Variants in SERBP1 observed in about 807,000 individuals in gnomAD.
The protein encoded by SERBP1 is SERPINE1 mRNA binding protein 1, also known as SERPINE1 mRNA-binding protein 1.
In SERBP1, 6 loss-of-function variants were observed where a neutral mutation model predicts 50.2. The ratio of observed to expected loss-of-function variants is 0.12; its 90% CI spans 0.07 to 0.24. The LOEUF is 0.24. Ranked by LOEUF, SERBP1 falls within the 10% of genes least tolerant of loss-of-function variation. SERBP1 has a pLI of 1.00. For synonymous variants in SERBP1, 168 were observed against 182.8 expected (o/e 0.92, Z 0.65); for missense variants, 346 against 524.9 (o/e 0.66, Z 3.33).
rs890923347 is a variant in SERBP1 at position 67,430,171 on chromosome 1, C to A, written c.130G>T (p.Gly44Cys). The A allele has an allele frequency of 6.2e-7, 1 of 1,610,802 alleles. No homozygotes were observed. The highest frequency in any genetic ancestry group is 8.5e-7 in the Non-Finnish European group (1 of 1,179,540). Residue 44 changes from glycine to cysteine, a missense_variant, in exon 1 of 8, where the codon GGC becomes TGC. Physicochemically the swap from Gly to Cys is radical, Grantham distance 159. This residue lies in a region of SERBP1 where 257 missense variants were observed against 331.2 expected (regional missense o/e 0.78). Transcript: ENST00000361219. ...TTGGCCCCAGGGCCCCCAACGCCGC[C>A]CCCGCCGGCTTCTTTTTTCTTGTTC... ...AENKKKEAGGGGVGGPGAKSA... is the reference protein window; with the variant it reads ...AENKKKEAGGCGVGGPGAKSA...
chr1:67,429,359 A>G (rs1176130830), intron 1 of SERBP1: 2 of 152,246 alleles, frequency 1.3e-5, no homozygotes, highest in African/African-American at 4.8e-5. Context: ...GGCTCAACTC[A>G]CCCCAGCAAG....
chr1:67,423,995 C>CAA (rs1302222283), intron 5 of SERBP1, among the ~76,000 whole-genome samples: 2 of 151,796 alleles, frequency 1.3e-5, no homozygotes, highest in Non-Finnish European at 2.9e-5. Context: ...CCTGCCTAGG[C>CAA]AATATAGTGA....
chr1:67,423,144 A>G (rs1004231912), intron 5 of SERBP1, among the ~76,000 whole-genome samples: 5 of 149,016 alleles, frequency 3.4e-5, no homozygotes, highest in Non-Finnish European at 5.9e-5. Flanking sequence ...TAAAAAATAT[A>G]AAAAATTAGC....
At position 67,430,357 on chromosome 1, in the gene SERBP1, GA is replaced by G; in HGVS notation, c.-58del. 1 of 1,480,166 alleles carries G rather than the reference GA, an allele frequency of 6.8e-7. No individual in the cohort carries two copies. Among genetic ancestry groups the G allele is most frequent in the Non-Finnish European group, 9.0e-7 (1 of 1,110,374 alleles). The allele number at this position is 1,480,166 out of a possible 1,614,324, so 91.7% of individuals were successfully genotyped here. A position where few individuals can be genotyped will look rare whatever the true frequency, so the allele number is the denominator to read the frequency against. On this transcript the variant is annotated 5_prime_UTR_variant, in exon 1 of 8. Coordinates refer to ENST00000361219, the MANE Select transcript of SERBP1 (RefSeq NM_001018069.2). ...ATTGCAGCGGGCCGCGCCGAGCCAA[GA>G]GCGCCTGCTTCAGCTCTTCCCACAA...
intron 1 of SERBP1, 124 bp from the exon 2 acceptor site, chr1:67,426,409 C>G (rs1428704161): frequency 1.1e-6 from 1 of 890,138 alleles, no homozygotes. Flanking sequence ...AAAGCAAACA[C>G]TGGGCAACTC....
chr1:67,419,828 A>G, intron 6 of SERBP1, 181 bp downstream of exon 6: 1 of 595,872 alleles, frequency 1.7e-6, no homozygotes. Context: ...TCAAAGGACT[A>G]AATTTCTTAG....
At chr1:67,417,317 T>C (rs1667044374) in intron 6 of SERBP1, 1 of 152,178 alleles carries the variant, frequency 6.6e-6, no homozygotes, top group Non-Finnish European at 1.5e-5. Flanking sequence ...TTCTATATTT[T>C]AAATTAAAAA....
intron 4 of SERBP1, 100 bp downstream of exon 4, chr1:67,424,788 G>T: frequency 2.2e-6 from 2 of 893,436 alleles, no homozygotes; most frequent in South Asian, 2.9e-5. Context: ...ACTCTCAGAA[G>T]AGAGCATTCA....
rs1666826935 is a variant in SERBP1, at chr1:67,411,203, A to T, written c.*2004T>A. On this transcript the variant is annotated 3_prime_UTR_variant, in exon 8 of 8. Transcript: ENST00000361219. ...TGCACCAACTTTTTAAGTTCAGGCT[A>T]TCTTGAAAGCTTGCAACATACCAGA... 1 of 152,188 alleles carries T rather than the reference A, an allele frequency of 6.6e-6. No individual in the cohort carries two copies. Among genetic ancestry groups the T allele is most frequent in the Admixed American group, 6.5e-5 (1 of 15,274 alleles). The allele number at this position is 152,188 out of a possible 1,614,324, so 9.4% of individuals were successfully genotyped here.
At chr1:67,425,618 C>T (rs1667343911) in intron 2 of SERBP1, among the ~76,000 whole-genome samples, 2 of 152,182 alleles carry the variant, frequency 1.3e-5, no homozygotes, top group East Asian at 1.9e-4. Context: ...CCTTTTAACT[C>T]TGTATCTGGA....
chr1:67,428,727 A>C (rs1247882737), intron 1 of SERBP1, among the ~76,000 whole-genome samples: 1 of 147,624 alleles, frequency 6.8e-6, no homozygotes, highest in African/African-American at 2.6e-5. Flanking sequence ...GAGCCTCACA[A>C]AAGTCCTCAA....
chr1:67,415,037 A>G (rs1666956767), intron 7 of SERBP1, 129 bp downstream of exon 7: 6 of 995,466 alleles, frequency 6.0e-6, no homozygotes, highest in Non-Finnish European at 8.5e-6. Context: ...ATATAACCTA[A>G]CATGCGGTTT....
rs996515259 is a variant in SERBP1 at position 67,410,126 on chromosome 1, C to T, written c.*3081G>A. ...CTAATATACCTGAATAATCTTACCT[C>T]TAAGGTCAACATCAGTTAGGTTCTA... On this transcript the variant is annotated 3_prime_UTR_variant, in exon 8 of 8. Transcript: ENST00000361219. 15 of 152,202 alleles carry T rather than the reference C, an allele frequency of 9.9e-5. No homozygotes were observed. Among genetic ancestry groups the T allele is most frequent in the African/African-American group, 3.6e-4 (15 of 41,450 alleles). 9.4% of individuals were successfully genotyped at this position (152,202 alleles called of 1,614,324 possible).
At position 67,430,211 on chromosome 1, in the gene SERBP1, C is replaced by A. The variant is rs373069537; in HGVS notation, c.90G>T (p.Val30=). The change falls in exon 1 of 8, where the codon GTG becomes GTT. Residue 30 remains valine (V), a synonymous_variant. Coordinates refer to ENST00000361219, the MANE Select transcript of SERBP1 (RefSeq NM_001018069.2). ...LFDDESDPFE[V]LKAAENKKKE... is the part of the protein sequence containing the mutation. ...TTTTCTTGTTCTCTGCTGCCTTCAGCACCTCGAAGGGGTCCGATTCGTCGT... is the reference window on the plus strand; with the variant it reads ...TTTTCTTGTTCTCTGCTGCCTTCAGAACCTCGAAGGGGTCCGATTCGTCGT... The A allele has an allele frequency of 3.5e-5, 57 of 1,608,860 alleles. No homozygotes were observed. Among genetic ancestry groups the A allele is most frequent in the Non-Finnish European group, 4.8e-5 (57 of 1,179,120 alleles).
intron 5 of SERBP1, 136 bp from the exon 6 acceptor site, chr1:67,420,322 T>G: frequency 1.3e-6 from 1 of 756,278 alleles, no homozygotes; most frequent in African/African-American, 1.8e-5. Flanking sequence ...GAGGGTACCC[T>G]AGTTTCCTAT....
chr1:67,414,861 T>G (rs536124467), intron 7 of SERBP1, among the ~76,000 whole-genome samples: 1 of 152,160 alleles, frequency 6.6e-6, no homozygotes, highest in South Asian at 2.1e-4. Flanking sequence ...AATTTTCTCA[T>G]CTGGAAAATG....
intron 2 of SERBP1, 136 bp downstream of exon 2, chr1:67,425,999 C>G (rs1013300400): frequency 2.9e-6 from 2 of 680,296 alleles, no homozygotes; most frequent in African/African-American, 3.7e-5. Flanking sequence ...GTAGTCCGAG[C>G]TACTCAAGAG....
chr1:67,427,585 CA>C (rs1430489325), intron 1 of SERBP1, among the ~76,000 whole-genome samples: 2 of 152,156 alleles, frequency 1.3e-5, no homozygotes, highest in African/African-American at 4.8e-5. Context: ...AGATAGACTA[CA>C]AATATTAGAC....
chr1:67,420,970 C>A (rs1039566028), intron 5 of SERBP1, among the ~76,000 whole-genome samples: 7 of 152,172 alleles, frequency 4.6e-5, no homozygotes, highest in African/African-American at 1.7e-4. Context: ...TCTCAATCTG[C>A]AATTGTCACC....
Sources: gnomAD v4.1 joint callset for allele counts (sites outside exome capture counted in the v4.1 genomes callset) on GRCh38, gnomAD v4.1.1 for gene constraint, gnomAD v4.1.1 regional missense constraint, MANE v1.5 for transcripts, NCBI Gene and HGNC (gene_info 2026-07-23, HGNC 2026-07-21) for gene names.